Variants in GSTCD observed in about 807,000 individuals in gnomAD.
The protein encoded by GSTCD is glutathione S-transferase C-terminal domain containing, also known as glutathione S-transferase C-terminal domain-containing protein.
Under a neutral mutation model 68.3 loss-of-function variants are expected in GSTCD, and 44 were observed. That is an observed-to-expected ratio of 0.64 (90% CI 0.51 to 0.83). The LOEUF is 0.83. Ranked by LOEUF, GSTCD falls within the 40% of genes least tolerant of loss-of-function variation. GSTCD has a pLI of 0.00. For synonymous variants in GSTCD, 273 were observed against 255.2 expected, an observed-to-expected ratio of 1.07 and a Z score of -0.67; for missense variants, 739 against 735.9, an observed-to-expected ratio of 1.00 and a Z score of -0.05.
chr4:105,718,928 T>C (rs1019641559), intron 2 of GSTCD, 132 bp from the exon 3 acceptor site: 9 of 678,906 alleles, frequency 1.3e-5, no homozygotes, highest in Non-Finnish European at 2.3e-5. Context: ...ATGTGTCTCC[T>C]GATACAACAT....
intron 5 of GSTCD, among the ~76,000 whole-genome samples, chr4:105,795,033 C>A (rs1287077715): frequency 6.6e-6 from 1 of 151,870 alleles, no homozygotes; most frequent in Non-Finnish European, 1.5e-5. Context: ...CGCCACCACA[C>A]CCAGCTAATT....
chr4:105,830,645 G>A (rs2193854), intron 8 of GSTCD, among the ~76,000 whole-genome samples: 28,756 of 152,076 alleles, frequency 0.19, 5,373 homozygotes, highest in African/African-American at 0.48. Flanking sequence ...TTAGTAAAAC[G>A]TCAGAAAGCC....
Position 105,714,024 on chromosome 4 carries a change from GA to G in GSTCD, c.-21-3558del, listed in dbSNP as rs768501109. 5.3e-4 allele frequency among the ~76,000 whole-genome samples: 75 copies of G among 140,402 alleles called. 1 individual carries two copies. Among genetic ancestry groups the G allele is most frequent in the South Asian group, 2.0e-3 (9 of 4,482 alleles). 92.1% of individuals were successfully genotyped at this position (140,402 alleles called of 152,430 possible). A position where few individuals can be genotyped will look rare whatever the true frequency, so the allele number is the denominator to read the frequency against. On this transcript the variant is annotated intron_variant, in intron 1 of 11. Coordinates refer to ENST00000515279, the MANE Select transcript of GSTCD (RefSeq NM_001370181.1). ...AAGATATATTCATTAGAATGAAAGT[GA>G]AAAAAAAAAACCAGATCTGAATGCC...
intron 5 of GSTCD, among the ~76,000 whole-genome samples, chr4:105,780,141 A>T (rs1578468684): frequency 6.6e-6 from 1 of 152,190 alleles, no homozygotes; most frequent in East Asian, 1.9e-4. Flanking sequence ...TGTTTCTGCC[A>T]TTTCTCATGA....
intron 1 of GSTCD, among the ~76,000 whole-genome samples, chr4:105,712,153 T>C (rs562174792): frequency 1.3e-5 from 2 of 152,342 alleles, no homozygotes; most frequent in South Asian, 2.1e-4. Context: ...TTCAGTTCAT[T>C]AAGCACTGGA....
chr4:105,754,027 T>C (rs1734097891), intron 5 of GSTCD, among the ~76,000 whole-genome samples: 2 of 152,086 alleles, frequency 1.3e-5, no homozygotes, highest in Admixed American at 1.3e-4. Flanking sequence ...TGTAGATCCC[T>C]GTTTTTCTGC....
At chr4:105,789,081 A>T (rs1285199265) in intron 5 of GSTCD, among the ~76,000 whole-genome samples, 3 of 152,166 alleles carry the variant, frequency 2.0e-5, no homozygotes, top group Non-Finnish European at 2.9e-5. Context: ...GAATTTTATT[A>T]TTAAGACATG....
intron 5 of GSTCD, among the ~76,000 whole-genome samples, chr4:105,777,881 A>G (rs1361880293): frequency 1.3e-5 from 2 of 152,230 alleles, no homozygotes; most frequent in Non-Finnish European, 1.5e-5. Context: ...TTTTAATTAT[A>G]TATTAACAAT....
chr4:105,737,791 C>T (rs531031141), intron 5 of GSTCD, among the ~76,000 whole-genome samples: 4 of 152,288 alleles, frequency 2.6e-5, no homozygotes, highest in Admixed American at 6.5e-5. Context: ...AGTGGAGATA[C>T]GCTTTGGATA....
At chr4:105,829,494 A>G (rs887820029) in intron 8 of GSTCD, among the ~76,000 whole-genome samples, 5 of 152,204 alleles carry the variant, frequency 3.3e-5, no homozygotes, top group African/African-American at 1.2e-4. Context: ...AGGCCTCACA[A>G]TCATGGAGGA....
intron 5 of GSTCD, among the ~76,000 whole-genome samples, chr4:105,760,659 G>A (rs893549532): frequency 6.6e-6 from 1 of 152,112 alleles, no homozygotes; most frequent in Non-Finnish European, 1.5e-5. Context: ...GATTAAAAAG[G>A]AAGAAGAATG....
At chr4:105,808,250 A>T (rs1722600496) in intron 5 of GSTCD, among the ~76,000 whole-genome samples, 1 of 151,738 alleles carries the variant, frequency 6.6e-6, no homozygotes, top group African/African-American at 2.4e-5. Flanking sequence ...ACATTGAAAA[A>T]CTCAGGGCTT....
intron 5 of GSTCD, among the ~76,000 whole-genome samples, chr4:105,741,018 G>C (rs996662731): frequency 1.7e-4 from 26 of 152,012 alleles, no homozygotes; most frequent in African/African-American, 5.8e-4. Context: ...GTGTTTTTTA[G>C]ATAGAGAATT....
intron 5 of GSTCD, among the ~76,000 whole-genome samples, chr4:105,817,206 C>G (rs1471606835): frequency 6.6e-6 from 1 of 151,808 alleles, no homozygotes; most frequent in Non-Finnish European, 1.5e-5. Context: ...ATCTTTACAT[C>G]TCTAACAGTT....
intron 5 of GSTCD, among the ~76,000 whole-genome samples, chr4:105,759,902 A>G (rs138566199): frequency 1.8e-4 from 27 of 152,302 alleles, no homozygotes; most frequent in Non-Finnish European, 3.5e-4. Context: ...ACAGTACCTT[A>G]GTTCCTCAAA....
At chr4:105,728,413 G>C (rs1341953164) in intron 4 of GSTCD, among the ~76,000 whole-genome samples, 1 of 152,134 alleles carries the variant, frequency 6.6e-6, no homozygotes, top group East Asian at 1.9e-4. Context: ...AGATAGAAGA[G>C]AGGTAGATGA....
chr4:105,783,986 G>A (rs1735373693), intron 5 of GSTCD, among the ~76,000 whole-genome samples: 1 of 152,180 alleles, frequency 6.6e-6, no homozygotes, highest in East Asian at 1.9e-4. Flanking sequence ...CAGAAGTGAT[G>A]CACCACAGAA....
chr4:105,828,006 T>G (rs1015012116), intron 8 of GSTCD, among the ~76,000 whole-genome samples: 1 of 152,210 alleles, frequency 6.6e-6, no homozygotes, highest in Non-Finnish European at 1.5e-5. Flanking sequence ...AAAATGCTCA[T>G]TTTGCATTAA....
At chr4:105,734,296 C>G (rs998127442) in intron 5 of GSTCD, among the ~76,000 whole-genome samples, 2 of 152,140 alleles carry the variant, frequency 1.3e-5, no homozygotes, top group African/African-American at 4.8e-5. Context: ...CAACTTGGTT[C>G]CATTCTCCCC....
Sources: allele counts gnomAD v4.1 joint callset (sites outside exome capture counted in the v4.1 genomes callset), GRCh38; gene constraint gnomAD v4.1.1; transcripts MANE v1.5; gene names NCBI Gene and HGNC (gene_info 2026-07-23, HGNC 2026-07-21).